PHF21A: variants seen among roughly 807,000 people sequenced by gnomAD.
The protein encoded by PHF21A is PHD finger protein 21A, also known as BHC80a.
A neutral mutation model predicts 82.5 loss-of-function variants in PHF21A; 11 were observed. The ratio of observed to expected loss-of-function variants is 0.13; its 90% CI spans 0.08 to 0.22. The LOEUF (loss-of-function observed/expected upper bound fraction) is 0.22, where lower values mean the gene tolerates loss of function less well. PHF21A is among the 10% of genes least tolerant of loss of function. The pLI, the probability that PHF21A is intolerant of heterozygous loss-of-function variation, is 1.00. For missense variants in PHF21A, 579 were observed against 837.8 expected, an observed-to-expected ratio of 0.69 and a Z score of 3.81; for synonymous variants, 297 against 302.8, an observed-to-expected ratio of 0.98 and a Z score of 0.20.
intron 4 of PHF21A, among the ~76,000 whole-genome samples, chr11:46,080,276 A>T (rs2096774825): frequency 1.3e-5 from 2 of 151,732 alleles, no homozygotes; most frequent in Admixed American, 1.3e-4. Context: ...CTTCCACCTC[A>T]GCCTCCCGAG....
At chr11:46,053,475 G>A (rs2096401376) in intron 6 of PHF21A, among the ~76,000 whole-genome samples, 1 of 151,874 alleles carries the variant, frequency 6.6e-6, no homozygotes, top group Non-Finnish European at 1.5e-5. Flanking sequence ...ATTCTTAAGA[G>A]GATATTTTAT....
At chr11:46,100,650 A>T (rs2135718816) in intron 1 of PHF21A, among the ~76,000 whole-genome samples, 1 of 152,334 alleles carries the variant, frequency 6.6e-6, no homozygotes, top group South Asian at 2.1e-4. Flanking sequence ...TTCAATGCAC[A>T]GGGGTTTACA....
intron 3 of PHF21A, 68 bp downstream of exon 3, chr11:46,090,387 G>A (rs1332212866): frequency 6.6e-6 from 1 of 152,156 alleles, no homozygotes; most frequent in Non-Finnish European, 1.5e-5. Context: ...ATGGGAGATA[G>A]ATTTCAGATC....
rs2087537035 is a variant in PHF21A at position 45,930,214 on chromosome 11, G to C, written c.*3754C>G. 2.0e-5 allele frequency: 3 copies of C among 152,374 alleles called. 1 individual carries two copies. The South Asian group carries it at 6.2e-4, about 31-fold the overall frequency. 9.4% of individuals were successfully genotyped at this position (152,374 alleles called of 1,614,324 possible). The stretch of plus-strand genomic sequence containing the variant: ...ATGGCCCCAAGAGAGAAGTATCAGA[G>C]GTGGCTGGAGAGGCAGCCGTGCATG... On this transcript the variant is annotated 3_prime_UTR_variant, in exon 19 of 19. Transcript: ENST00000676320.
intron 6 of PHF21A, among the ~76,000 whole-genome samples, chr11:46,001,497 C>T (rs1384153205): frequency 6.6e-6 from 1 of 152,050 alleles, no homozygotes; most frequent in Admixed American, 6.6e-5. Context: ...TTGGTGTCTC[C>T]GTCACATGCA....
chr11:45,930,817 GA>G lies in PHF21A; in HGVS notation c.*3150del, dbSNP rs2087588065. 1 of 152,390 alleles carries G rather than the reference GA, an allele frequency of 6.6e-6. No homozygotes were observed. The highest frequency in any genetic ancestry group is 2.4e-5 in the African/African-American group (1 of 41,406). 9.4% of individuals were successfully genotyped at this position (152,390 alleles called of 1,614,324 possible). On this transcript the variant is annotated 3_prime_UTR_variant, in exon 19 of 19. Transcript: ENST00000676320. ...GAGCAGCTAAATTCTGGGCCGTGGGGAAAGAGCAGCGGAGGGAAGGAGGAGG... is the reference window on the plus strand; with the variant it reads ...GAGCAGCTAAATTCTGGGCCGTGGGGAAGAGCAGCGGAGGGAAGGAGGAGG...
chr11:46,073,071 G>A (rs1039939050), intron 6 of PHF21A, among the ~76,000 whole-genome samples: 1 of 152,124 alleles, frequency 6.6e-6, no homozygotes, highest in Non-Finnish European at 1.5e-5. Flanking sequence ...CATCACGCCT[G>A]TAATCCCAGC....
chr11:46,076,933 C>A, intron 5 of PHF21A, 114 bp from the exon 6 acceptor site: 1 of 777,200 alleles, frequency 1.3e-6, no homozygotes, highest in Non-Finnish European at 2.2e-6. Context: ...AAGCATTTAG[C>A]CAATCAAATC....
chr11:45,969,306 G>T (rs2959091), intron 9 of PHF21A, among the ~76,000 whole-genome samples: 1 of 151,984 alleles, frequency 6.6e-6, no homozygotes, highest in East Asian at 1.9e-4. Context: ...AGAGCTGCTC[G>T]GGCCTAGGGA....
At chr11:46,032,665 T>A (rs145467937) in intron 6 of PHF21A, among the ~76,000 whole-genome samples, 79 of 152,294 alleles carry the variant, frequency 5.2e-4, no homozygotes, top group African/African-American at 1.8e-3. Flanking sequence ...AGGCTATATA[T>A]ACTTTCATCA....
intron 6 of PHF21A, among the ~76,000 whole-genome samples, chr11:45,992,603 G>C (rs1343622852): frequency 1.3e-5 from 2 of 152,160 alleles, no homozygotes; most frequent in Admixed American, 1.3e-4. Flanking sequence ...TAGATAACCA[G>C]AAAATTCAAA....
At chr11:46,051,553 C>G (rs1337801043) in intron 6 of PHF21A, among the ~76,000 whole-genome samples, 1 of 152,158 alleles carries the variant, frequency 6.6e-6, no homozygotes, top group Admixed American at 6.5e-5. Context: ...ACAGAGTACT[C>G]TAACTTTGGT....
chr11:46,076,873 T>C (rs1289951826), intron 5 of PHF21A, 54 bp from the exon 6 acceptor site: 12 of 1,405,866 alleles, frequency 8.5e-6, no homozygotes, highest in Admixed American at 1.7e-5. Context: ...GTTAACAGAA[T>C]AGTAGCAGGA....
rs1017384521 is a variant in PHF21A, at chr11:46,040,190, T to C, written c.153+36564A>G. Among the ~76,000 whole-genome samples the C allele has an allele frequency of 4.6e-5, 7 of 152,202 alleles. No individual in the cohort carries two copies. In the East Asian group the frequency reaches 1.2e-3, roughly 25 times the overall value. ...GACTTTTCACTCTACTATTATACTT[T>C]AGTGGGTAGAACATAATACAAGTCA... On this transcript the variant is annotated intron_variant, in intron 6 of 18. Transcript: ENST00000676320.
At chr11:46,031,212 T>A (rs1565632593) in intron 6 of PHF21A, among the ~76,000 whole-genome samples, 1 of 152,194 alleles carries the variant, frequency 6.6e-6, no homozygotes, top group Admixed American at 6.5e-5. Flanking sequence ...TCTGCAATAA[T>A]GTCCCTTCCA....
chr11:46,040,831 C>T (rs997044375), intron 6 of PHF21A, among the ~76,000 whole-genome samples: 5 of 151,802 alleles, frequency 3.3e-5, no homozygotes, highest in African/African-American at 1.2e-4. Flanking sequence ...GAATAGCTCC[C>T]CCTTTCCTCT....
At chr11:46,044,540 C>T (rs1454043925) in intron 6 of PHF21A, among the ~76,000 whole-genome samples, 1 of 151,956 alleles carries the variant, frequency 6.6e-6, no homozygotes, top group Non-Finnish European at 1.5e-5. Flanking sequence ...CAGGGATATG[C>T]AGGACTTCTC....
intron 6 of PHF21A, among the ~76,000 whole-genome samples, chr11:46,061,494 C>A (rs1339971230): frequency 6.6e-6 from 1 of 152,124 alleles, no homozygotes; most frequent in South Asian, 2.1e-4. Flanking sequence ...ACTTCTTGTA[C>A]AACATTTTGC....
At position 46,022,982 on chromosome 11, in the gene PHF21A, C is replaced by T. The variant is rs544663480; in HGVS notation, c.154-43016G>A. On this transcript the variant is annotated intron_variant, in intron 6 of 18. Coordinates refer to ENST00000676320, the MANE Select transcript of PHF21A (RefSeq NM_001352027.3). ...GCCAGGCTGGTCTCGAACTCCTGAT[C>T]TCAGGTGATCTGTCTGCCTTGGCCT... Among the ~76,000 whole-genome samples, 357 of 152,228 alleles carry T rather than the reference C, an allele frequency of 2.3e-3. 1 individual carries two copies. Among genetic ancestry groups the T allele is most frequent in the Non-Finnish European group, 3.6e-3 (244 of 68,008 alleles).
Sources: allele counts gnomAD v4.1 joint callset (sites outside exome capture counted in the v4.1 genomes callset), GRCh38; gene constraint gnomAD v4.1.1; transcripts MANE v1.5; gene names NCBI Gene and HGNC (gene_info 2026-07-23, HGNC 2026-07-21).